Variants in CSMD1 observed in about 807,000 individuals in gnomAD.
CSMD1 encodes CUB and sushi domain-containing protein 1.
Under a neutral mutation model 417.5 loss-of-function variants are expected in CSMD1, and 213 were observed. The ratio of observed to expected loss-of-function variants is 0.51; its 90% CI spans 0.46 to 0.57. The LOEUF is 0.57. Among genes scored for constraint, CSMD1 ranks in the 20% least tolerant of loss-of-function variants. The pLI, the probability that CSMD1 is intolerant of heterozygous loss-of-function variation, is 0.00. For synonymous variants in CSMD1, 2,862 were observed against 1,736.8 expected (o/e 1.65, Z -16.11); for missense variants, 6,923 against 4,529.7 (o/e 1.53, Z -15.17).
At chr8:4,793,293 C>A (rs1455295282) in intron 1 of CSMD1, among the ~76,000 whole-genome samples, 1 of 152,082 alleles carries the variant, frequency 6.6e-6, no homozygotes, top group East Asian at 1.9e-4. Context: ...AAAAATAGAA[C>A]CTATTCTCTC....
chr8:4,733,460 T>G (rs79122655), intron 1 of CSMD1, among the ~76,000 whole-genome samples: 4,037 of 152,264 alleles, frequency 0.027, 75 homozygotes, highest in South Asian at 0.053. Flanking sequence ...AAGGAGCTAA[T>G]GTCTACTAAA....
chr8:4,304,197 T>G lies in CSMD1; in HGVS notation c.415+115756A>C, dbSNP rs550886798. On this transcript the variant is annotated intron_variant, in intron 3 of 69. Coordinates refer to ENST00000635120, the MANE Select transcript of CSMD1 (RefSeq NM_033225.6). ...TTCAAATTTGGGAGAATAAGCCAGTTTTGATGAAAAGAGATTTAAAGCTGT... is the reference window on the plus strand; with the variant it reads ...TTCAAATTTGGGAGAATAAGCCAGTGTTGATGAAAAGAGATTTAAAGCTGT... 1.9e-3 allele frequency among the ~76,000 whole-genome samples: 296 copies of G among 152,304 alleles called. 1 individual carries two copies. The Middle Eastern group carries it at 0.02, about 11-fold the overall frequency.
At chr8:4,634,518 A>T (rs1802713840) in intron 2 of CSMD1, among the ~76,000 whole-genome samples, 3 of 152,226 alleles carry the variant, frequency 2.0e-5, no homozygotes, top group Admixed American at 2.0e-4. Context: ...GTGCAACAAT[A>T]AAACAACAAC....
intron 4 of CSMD1, among the ~76,000 whole-genome samples, chr8:4,000,428 A>G (rs1273604846): frequency 6.6e-6 from 1 of 152,262 alleles, no homozygotes; most frequent in Non-Finnish European, 1.5e-5. Context: ...CCATATAAAA[A>G]TAAGAGGAAG....
chr8:4,970,431 T>C (rs992169217), intron 1 of CSMD1, among the ~76,000 whole-genome samples: 6 of 152,170 alleles, frequency 3.9e-5, no homozygotes, highest in African/African-American at 9.7e-5. Context: ...ACATAATTCA[T>C]GAAAGATGTT....
At chr8:4,377,785 A>G (rs1802849607) in intron 3 of CSMD1, among the ~76,000 whole-genome samples, 1 of 152,222 alleles carries the variant, frequency 6.6e-6, no homozygotes, top group African/African-American at 2.4e-5. Flanking sequence ...TGGCACCTTT[A>G]AATATCCAAG....
At chr8:4,622,641 T>G (rs1211162237) in intron 2 of CSMD1, among the ~76,000 whole-genome samples, 1 of 152,146 alleles carries the variant, frequency 6.6e-6, no homozygotes, top group Non-Finnish European at 1.5e-5. Flanking sequence ...GGTTTGGAAA[T>G]GAAGGGCAAT....
intron 2 of CSMD1, among the ~76,000 whole-genome samples, chr8:4,465,831 A>G (rs1283461597): frequency 1.3e-5 from 2 of 152,198 alleles, no homozygotes; most frequent in East Asian, 1.9e-4. Context: ...TTCCTGAAGT[A>G]TCTCAAGCCA....
At chr8:4,230,092 C>T (rs1347129470) in intron 3 of CSMD1, among the ~76,000 whole-genome samples, 1 of 152,180 alleles carries the variant, frequency 6.6e-6, no homozygotes, top group Non-Finnish European at 1.5e-5. Flanking sequence ...TATTAGACTA[C>T]AAGCCTTATA....
At chr8:4,424,549 T>C (rs898280576) in intron 2 of CSMD1, among the ~76,000 whole-genome samples, 2 of 151,906 alleles carry the variant, frequency 1.3e-5, no homozygotes, top group Non-Finnish European at 2.9e-5. Context: ...AATGACAACA[T>C]CACATGCTGG....
intron 5 of CSMD1, among the ~76,000 whole-genome samples, chr8:3,872,696 C>G (rs1018639552): frequency 6.6e-6 from 1 of 152,134 alleles, no homozygotes; most frequent in African/African-American, 2.4e-5. Context: ...CCTCGTGCTA[C>G]TTAGAAGGCC....
intron 38 of CSMD1, among the ~76,000 whole-genome samples, chr8:3,159,374 G>C (rs537507293): frequency 8.5e-5 from 13 of 152,176 alleles, no homozygotes; most frequent in Non-Finnish European, 1.6e-4. Context: ...TCTTTTTTAT[G>C]TTTAAAAAGA....
chr8:3,852,587 G>A (rs1803990900), intron 5 of CSMD1, among the ~76,000 whole-genome samples: 1 of 152,116 alleles, frequency 6.6e-6, no homozygotes, highest in Non-Finnish European at 1.5e-5. Context: ...GGACTTACTC[G>A]TGTCAGCTAT....
intron 3 of CSMD1, among the ~76,000 whole-genome samples, chr8:4,289,330 A>G (rs1156921626): frequency 6.6e-6 from 1 of 152,216 alleles, no homozygotes; most frequent in East Asian, 1.9e-4. Context: ...CGTAACTCCC[A>G]TACATTTAAA....
At chr8:3,002,355 C>T (rs1163697790) in intron 52 of CSMD1, among the ~76,000 whole-genome samples, 12 of 152,182 alleles carry the variant, frequency 7.9e-5, no homozygotes, top group Non-Finnish European at 1.5e-5. Context: ...ATCGTTCCAA[C>T]CCTAGAGACA....
At chr8:4,236,373 A>G (rs1450329371) in intron 3 of CSMD1, among the ~76,000 whole-genome samples, 1 of 152,090 alleles carries the variant, frequency 6.6e-6, no homozygotes, top group East Asian at 1.9e-4. Context: ...CCACTCGGAG[A>G]AAGGGGTGAA....
At chr8:3,180,414 T>C (rs1185113074) in intron 37 of CSMD1, among the ~76,000 whole-genome samples, 2 of 152,212 alleles carry the variant, frequency 1.3e-5, no homozygotes, top group Non-Finnish European at 2.9e-5. Flanking sequence ...AGAAAAGGCT[T>C]ATGACCATAA....
chr8:4,495,569 C>T (rs1039395569), intron 2 of CSMD1, among the ~76,000 whole-genome samples: 10 of 143,132 alleles, frequency 7.0e-5, no homozygotes, highest in African/African-American at 2.5e-4. Flanking sequence ...AGCAAGACTC[C>T]ATCTCAGAAA....
chr8:4,021,195 A>C (rs917476695), intron 4 of CSMD1, among the ~76,000 whole-genome samples: 27 of 152,228 alleles, frequency 1.8e-4, no homozygotes, highest in Admixed American at 1.6e-3. Flanking sequence ...AAATGGCATA[A>C]CTGAAATACA....
Sources: allele counts gnomAD v4.1 joint callset (sites outside exome capture counted in the v4.1 genomes callset), GRCh38; gene constraint gnomAD v4.1.1; transcripts MANE v1.5; gene names NCBI Gene and HGNC (gene_info 2026-07-23, HGNC 2026-07-21).